The following MINDY2 variants were observed in gnomAD, a reference collection of about 807,000 sequenced individuals.
The protein encoded by MINDY2 is ubiquitin carboxyl-terminal hydrolase MINDY-2.
A neutral mutation model predicts 68.2 loss-of-function variants in MINDY2; 52 were observed. The observed-to-expected ratio is 0.76, with a 90% CI of 0.61 to 0.96. The LOEUF is 0.96. Ranked by LOEUF, MINDY2 falls within the 40% of genes least tolerant of loss-of-function variation. The probability of loss-of-function intolerance (pLI) is 0.00; values close to 1 mark genes in which losing one functional copy is unlikely to be tolerated. For synonymous variants in MINDY2, 372 were observed against 303.0 expected, an observed-to-expected ratio of 1.23 and a Z score of -2.36; for missense variants, 881 against 773.4, an observed-to-expected ratio of 1.14 and a Z score of -1.65.
intron 3 of MINDY2, among the ~76,000 whole-genome samples, chr15:58,806,897 A>G (rs1200337339): frequency 6.6e-6 from 1 of 152,242 alleles, no homozygotes; most frequent in Admixed American, 6.5e-5. Context: ...TGGGGGGAAC[A>G]GTAGAAGAGA....
chr15:58,851,868 A>G lies in MINDY2; in HGVS notation c.1640A>G (p.Lys547Arg), dbSNP rs1357888545. 1 of 1,613,610 alleles carries G rather than the reference A, an allele frequency of 6.2e-7. No homozygotes were observed. The change falls in exon 8 of 9, where the codon AAG becomes AGG. Residue 547 changes from lysine to arginine, a missense_variant. Physicochemically the swap from Lys to Arg is conservative, Grantham distance 26. Transcript: ENST00000559228. Reference protein sequence around the residue: ...PEGISDLELAKKLQEEEDRRA... With the variant: ...PEGISDLELARKLQEEEDRRA... ...GGAATCAGTGATTTGGAACTAGCAA[A>G]GAAACTCCAAGAGGAAGAGGACAGA...
rs981348282 is a variant in MINDY2 at position 58,831,980 on chromosome 15, C to T, written c.1368+64C>T. On this transcript the variant is annotated intron_variant, in intron 6 of 8. Coordinates refer to ENST00000559228, the MANE Select transcript of MINDY2 (RefSeq NM_001040450.3). Reference sequence around the variant, plus strand: ...TCAAAGGAGCTTGATTTAGAGTTGTCTTTTGATCTGCTTATAAATAAAAGA... The same window carrying T: ...TCAAAGGAGCTTGATTTAGAGTTGTTTTTTGATCTGCTTATAAATAAAAGA... The T allele has an allele frequency of 4.2e-6, 6 of 1,418,456 alleles. No homozygotes were observed. The South Asian group carries it at 5.5e-5, about 13-fold the overall frequency. 87.9% of individuals were successfully genotyped at this position (1,418,456 alleles called of 1,614,324 possible).
Position 58,790,219 on chromosome 15 carries a change from G to C in MINDY2, c.898+2256G>C, listed in dbSNP as rs1901792456. ...AAAAGAAAATCCCTCTTTTAGGCTA[G>C]CTTAGTGATTCTTTTTATTTTTATT... On this transcript the variant is annotated intron_variant, in intron 2 of 8. Coordinates refer to ENST00000559228, the MANE Select transcript of MINDY2 (RefSeq NM_001040450.3). Among the ~76,000 whole-genome samples the C allele has an allele frequency of 2.0e-5, 3 of 152,248 alleles. No individual in the cohort carries two copies. The South Asian group carries it at 6.2e-4, about 32-fold the overall frequency.
chr15:58,811,809 A>C (rs543496038), intron 4 of MINDY2, among the ~76,000 whole-genome samples: 18 of 152,330 alleles, frequency 1.2e-4, no homozygotes, highest in African/African-American at 4.3e-4. Context: ...TGGAGAGTCA[A>C]TTGGAAGGGT....
intron 1 of MINDY2, among the ~76,000 whole-genome samples, 175 bp downstream of exon 1, chr15:58,772,410 C>G (rs974914528): frequency 3.9e-5 from 6 of 152,138 alleles, no homozygotes; most frequent in African/African-American, 1.2e-4. Flanking sequence ...ATACATATAT[C>G]GAAAAGAATT....
chr15:58,826,190 G>T, intron 5 of MINDY2, among the ~76,000 whole-genome samples: 1 of 135,278 alleles, frequency 7.4e-6, no homozygotes, highest in African/African-American at 2.8e-5. Context: ...TTGTTGATAT[G>T]TTGAATGTTT....
chr15:58,811,953 A>G (rs1479943409), intron 4 of MINDY2, among the ~76,000 whole-genome samples: 2 of 152,238 alleles, frequency 1.3e-5, no homozygotes, highest in Non-Finnish European at 2.9e-5. Flanking sequence ...ATTTTTTAAC[A>G]TAAAGTAAGA....
Position 58,855,281 on chromosome 15 carries a change from AATACTT to A in MINDY2, c.*675_*680del, listed in dbSNP as rs1380676733. The A allele has an allele frequency of 6.6e-6, 1 of 152,624 alleles. No homozygotes were observed. The highest frequency in any genetic ancestry group is 1.5e-5 in the Non-Finnish European group (1 of 68,046). 9.5% of individuals were successfully genotyped at this position (152,624 alleles called of 1,614,324 possible). ...CAATAGCAAAAAGTTACATAACACT[AATACTT>A]ATAACCTATCAATATCAGATATTAA... On this transcript the variant is annotated 3_prime_UTR_variant, in exon 9 of 9. Coordinates refer to ENST00000559228, the MANE Select transcript of MINDY2 (RefSeq NM_001040450.3).
At position 58,849,168 on chromosome 15, in the gene MINDY2, C is replaced by T. The variant is rs184998941; in HGVS notation, c.1542+1698C>T. On this transcript the variant is annotated intron_variant, in intron 7 of 8. Coordinates refer to ENST00000559228, the MANE Select transcript of MINDY2 (RefSeq NM_001040450.3). The stretch of plus-strand genomic sequence containing the variant: ...GAAGTTGCAGTGAGCCAAGATCATG[C>T]CATTGCACTCCAACATGGGTGACAG... 1.7e-4 allele frequency among the ~76,000 whole-genome samples: 26 copies of T among 151,184 alleles called. No individual in the cohort carries two copies. The East Asian group carries it at 4.9e-3, about 28-fold the overall frequency.
At chr15:58,784,742 C>A (rs533620164) in intron 1 of MINDY2, among the ~76,000 whole-genome samples, 4 of 151,416 alleles carry the variant, frequency 2.6e-5, no homozygotes, top group Admixed American at 2.0e-4. Flanking sequence ...ACCTCAGCCT[C>A]CCAAATAGCT....
chr15:58,774,342 G>A (rs1900637238), intron 1 of MINDY2, among the ~76,000 whole-genome samples: 1 of 151,984 alleles, frequency 6.6e-6, no homozygotes, highest in African/African-American at 2.4e-5. Flanking sequence ...AAATTAGACG[G>A]GCATGGTGGT....
rs1488775889 is a variant in MINDY2, at chr15:58,859,182, CTA to C, written c.*4575_*4576del. 1 of 151,854 alleles carries C rather than the reference CTA, an allele frequency of 6.6e-6. No individual in the cohort carries two copies. Among genetic ancestry groups the C allele is most frequent in the Non-Finnish European group, 1.5e-5 (1 of 67,938 alleles). The allele number at this position is 151,854 out of a possible 1,614,324, so 9.4% of individuals were successfully genotyped here. A position where few individuals can be genotyped will look rare whatever the true frequency, so the allele number is the denominator to read the frequency against. On this transcript the variant is annotated 3_prime_UTR_variant, in exon 9 of 9. Coordinates refer to ENST00000559228, the MANE Select transcript of MINDY2 (RefSeq NM_001040450.3). ...TACAGTTTTTTGTGTGTTCTATAGACTATAGAGTCAAAATCAAGAGTATTTTG... is the reference window on the plus strand; with the variant it reads ...TACAGTTTTTTGTGTGTTCTATAGACTAGAGTCAAAATCAAGAGTATTTTG...
intron 8 of MINDY2, among the ~76,000 whole-genome samples, chr15:58,853,786 A>C (rs939303315): frequency 2.8e-5 from 4 of 142,926 alleles, no homozygotes; most frequent in African/African-American, 2.6e-5. Flanking sequence ...GTGCCACTGC[A>C]CTCCAGCCTA....
intron 2 of MINDY2, among the ~76,000 whole-genome samples, chr15:58,789,007 G>A (rs1004741881): frequency 1.3e-4 from 20 of 150,982 alleles, no homozygotes; most frequent in Middle Eastern, 3.5e-3. Context: ...GTGAGACTCC[G>A]TCTCAAAAAC....
At chr15:58,779,771 A>G (rs1015352063) in intron 1 of MINDY2, among the ~76,000 whole-genome samples, 4 of 152,210 alleles carry the variant, frequency 2.6e-5, no homozygotes, top group African/African-American at 9.6e-5. Flanking sequence ...AAGATAAGGT[A>G]GACAAGGGCT....
At chr15:58,822,877 G>C (rs1488207728) in intron 5 of MINDY2, among the ~76,000 whole-genome samples, 1 of 152,080 alleles carries the variant, frequency 6.6e-6, no homozygotes, top group African/African-American at 2.4e-5. Flanking sequence ...ATGAGTTTTA[G>C]TCTCTCTCAG....
chr15:58,794,347 GT>G (rs201324950), intron 2 of MINDY2, among the ~76,000 whole-genome samples: 7 of 135,524 alleles, frequency 5.2e-5, no homozygotes, highest in African/African-American at 1.1e-4. Context: ...TAGAATAAAA[GT>G]TTTTTTTGGG....
chr15:58,777,248 G>A (rs1247446490), intron 1 of MINDY2, among the ~76,000 whole-genome samples: 2 of 152,156 alleles, frequency 1.3e-5, no homozygotes, highest in Admixed American at 1.3e-4. Context: ...TTTCTTTCAA[G>A]AACTGACACC....
intron 2 of MINDY2, among the ~76,000 whole-genome samples, chr15:58,789,696 G>A (rs1459538527): frequency 4.6e-5 from 7 of 151,996 alleles, no homozygotes; most frequent in African/African-American, 1.7e-4. Context: ...TTCTCAGGCT[G>A]GAGTGCAATG....
Sources: gnomAD v4.1 joint callset for allele counts (sites outside exome capture counted in the v4.1 genomes callset) on GRCh38, gnomAD v4.1.1 for gene constraint, MANE v1.5 for transcripts, NCBI Gene and HGNC (gene_info 2026-07-23, HGNC 2026-07-21) for gene names.